Variants in TBC1D14 observed in about 807,000 individuals in gnomAD.
The protein encoded by TBC1D14 is TBC1 domain family member 14, also known as TBC1 domain family, member 14.
TBC1D14 carries 26 observed loss-of-function variants against 79.0 expected under a neutral mutation model. That is an observed-to-expected ratio of 0.33 (90% CI 0.24 to 0.46). TBC1D14 has a LOEUF of 0.46. Ranked by LOEUF, TBC1D14 falls within the 20% of genes least tolerant of loss-of-function variation. The probability of loss-of-function intolerance (pLI) is 1.00; values close to 1 mark genes in which losing one functional copy is unlikely to be tolerated. For missense variants in TBC1D14, 769 were observed against 887.6 expected (o/e 0.87, Z 1.70); for synonymous variants, 394 against 349.9 (o/e 1.13, Z -1.40).
intron 12 of TBC1D14, among the ~76,000 whole-genome samples, chr4:7,018,861 G>A (rs1413621713): frequency 9.9e-5 from 15 of 152,194 alleles, no homozygotes; most frequent in Admixed American, 9.8e-4. Flanking sequence ...TCCCATTGCC[G>A]GCCAGTGGCA....
At chr4:7,017,570 A>C (rs1721409247) in intron 12 of TBC1D14, among the ~76,000 whole-genome samples, 1 of 152,202 alleles carries the variant, frequency 6.6e-6, no homozygotes, top group African/African-American at 2.4e-5. Context: ...AGTGAGGCAG[A>C]GTAAATGAAA....
intron 2 of TBC1D14, among the ~76,000 whole-genome samples, chr4:6,934,607 G>T (rs1368363776): frequency 6.6e-6 from 1 of 151,460 alleles, no homozygotes; most frequent in Non-Finnish European, 1.5e-5. Flanking sequence ...GCAGTGGGCT[G>T]AGATTGCACC....
chr4:7,025,176 C>G lies in TBC1D14; in HGVS notation c.1930C>G (p.Arg644Gly). The G allele has an allele frequency of 6.2e-7, 1 of 1,614,226 alleles. No individual in the cohort carries two copies. The highest frequency in any genetic ancestry group is 2.2e-5 in the East Asian group (1 of 44,882). Residue 644 changes from arginine to glycine, a missense_variant, in exon 13 of 14, where the codon CGG becomes GGG. Arg to Gly is a moderately radical substitution (Grantham distance 125). Coordinates refer to ENST00000409757, the MANE Select transcript of TBC1D14 (RefSeq NM_020773.3). ...CATTCACATGGCCCAGTTCCTGACC[C>G]GGCTGCCCGAGGACCTGCCCGCCGA... ...DFIHMAQFLT[R>G]LPEDLPAEEL... is the part of the protein sequence containing the mutation.
chr4:7,012,543 G>A (rs917758546), intron 11 of TBC1D14, among the ~76,000 whole-genome samples: 1 of 152,184 alleles, frequency 6.6e-6, no homozygotes, highest in Admixed American at 6.5e-5. Context: ...GCTGAAATGA[G>A]GTTAGGAGAA....
chr4:7,012,802 T>C lies in TBC1D14; in HGVS notation c.1648-1646T>C, dbSNP rs549973923. On this transcript the variant is annotated intron_variant, in intron 11 of 13. Coordinates refer to ENST00000409757, the MANE Select transcript of TBC1D14 (RefSeq NM_020773.3). ...TACAGTGAGTGTTTACAGGTATGAC[T>C]TTCATAATCAGGTAAAAACTTACCT... 5.4e-4 allele frequency among the ~76,000 whole-genome samples: 82 copies of C among 152,334 alleles called. 1 individual carries two copies. In the South Asian group the frequency reaches 0.016, roughly 30 times the overall value.
chr4:6,949,929 A>G (rs1314017192), intron 2 of TBC1D14, among the ~76,000 whole-genome samples: 2 of 152,002 alleles, frequency 1.3e-5, no homozygotes, highest in African/African-American at 2.4e-5. Flanking sequence ...AAGTTCTGGG[A>G]TACATGTGCA....
At position 6,923,338 on chromosome 4, in the gene TBC1D14, A is replaced by G. The variant is rs1724013692; in HGVS notation, c.-17-35A>G. 54 of 1,549,926 alleles carry G rather than the reference A, an allele frequency of 3.5e-5. 1 individual carries two copies. In the South Asian group the frequency reaches 3.8e-4, roughly 11 times the overall value. ...GAGGTGTGGCATCTTTGAATTTTAT[A>G]TCCACTTTAATTTCCATGTTTGTGT... On this transcript the variant is annotated intron_variant, in intron 1 of 13. Transcript: ENST00000409757.
chr4:6,983,750 T>C (rs1331103793), intron 3 of TBC1D14, among the ~76,000 whole-genome samples: 1 of 152,230 alleles, frequency 6.6e-6, no homozygotes, highest in Non-Finnish European at 1.5e-5. Context: ...GGTTGTTTAA[T>C]TTGCACTTTC....
At chr4:6,993,235 T>A (rs1320125147) in intron 3 of TBC1D14, among the ~76,000 whole-genome samples, 1 of 152,244 alleles carries the variant, frequency 6.6e-6, no homozygotes, top group Non-Finnish European at 1.5e-5. Context: ...GCCTTGTCTG[T>A]AATATTTCCT....
chr4:6,951,968 G>C lies in TBC1D14; in HGVS notation c.723-15336G>C, dbSNP rs114729729. Reference sequence around the variant, plus strand: ...GGGTCTGTATTTGGGAAGGAGACTGGCGATGAGGCGGCAGGGCTGGGAAGG... The same window carrying C: ...GGGTCTGTATTTGGGAAGGAGACTGCCGATGAGGCGGCAGGGCTGGGAAGG... On this transcript the variant is annotated intron_variant, in intron 2 of 13. Transcript: ENST00000409757. Among the ~76,000 whole-genome samples, 638 of 152,256 alleles carry C rather than the reference G, an allele frequency of 4.2e-3. 5 individuals are homozygous for C. The highest frequency in any genetic ancestry group is 0.014 in the African/African-American group (584 of 41,548).
At chr4:6,945,605 G>A (rs1050081566) in intron 2 of TBC1D14, among the ~76,000 whole-genome samples, 2 of 151,962 alleles carry the variant, frequency 1.3e-5, no homozygotes, top group Non-Finnish European at 2.9e-5. Flanking sequence ...AAAATTAGCC[G>A]AGCGTGGTGG....
At chr4:6,924,228 C>G in intron 2 of TBC1D14, 117 bp downstream of exon 2, 1 of 1,376,838 alleles carries the variant, frequency 7.3e-7, no homozygotes, top group East Asian at 2.5e-5. Flanking sequence ...CTGTCTCACA[C>G]AGATAATTGG....
chr4:6,950,303 T>C (rs982003688), intron 2 of TBC1D14, among the ~76,000 whole-genome samples: 4 of 152,254 alleles, frequency 2.6e-5, no homozygotes, highest in Non-Finnish European at 5.9e-5. Context: ...CTTCGGTTAC[T>C]AATTCTAATA....
chr4:7,023,372 C>G (rs1722020689), intron 12 of TBC1D14, among the ~76,000 whole-genome samples: 1 of 152,212 alleles, frequency 6.6e-6, no homozygotes, highest in Non-Finnish European at 1.5e-5. Context: ...TGAGTGGGCA[C>G]ACAGAGATAG....
At chr4:7,013,600 C>T (rs1033795050) in intron 11 of TBC1D14, among the ~76,000 whole-genome samples, 1 of 152,224 alleles carries the variant, frequency 6.6e-6, no homozygotes, top group Admixed American at 6.5e-5. Flanking sequence ...TCCTTTCCTC[C>T]TTTCCCTGTA....
chr4:7,027,649 C>T (rs1294261292), intron 13 of TBC1D14, among the ~76,000 whole-genome samples: 1 of 137,244 alleles, frequency 7.3e-6, no homozygotes, highest in African/African-American at 2.7e-5. Flanking sequence ...ACACATCACA[C>T]ACCCCCACAA....
At chr4:6,979,360 C>CTT (rs1172952142) in intron 3 of TBC1D14, among the ~76,000 whole-genome samples, 3 of 152,194 alleles carry the variant, frequency 2.0e-5, no homozygotes, top group Non-Finnish European at 4.4e-5. Flanking sequence ...GGTGTGTTGG[C>CTT]TTGCACCTGT....
chr4:7,029,601 C>T (rs532389160), intron 13 of TBC1D14, among the ~76,000 whole-genome samples: 26 of 152,182 alleles, frequency 1.7e-4, no homozygotes, highest in African/African-American at 2.9e-4. Flanking sequence ...CCAAGGCGGG[C>T]GTATCATGAG....
chr4:6,971,690 C>T (rs966966443), intron 3 of TBC1D14, among the ~76,000 whole-genome samples: 7 of 152,076 alleles, frequency 4.6e-5, no homozygotes, highest in Admixed American at 1.3e-4. Context: ...CAGCATCACC[C>T]GGGCATTTGC....
Sources: allele counts gnomAD v4.1 joint callset (sites outside exome capture counted in the v4.1 genomes callset), GRCh38; gene constraint gnomAD v4.1.1; transcripts MANE v1.5; gene names NCBI Gene and HGNC (gene_info 2026-07-23, HGNC 2026-07-21).